Variants in RAB11FIP3 observed in about 807,000 individuals in gnomAD.
RAB11FIP3 encodes the protein rab11 family-interacting protein 3.
Under a neutral mutation model 77.8 loss-of-function variants are expected in RAB11FIP3, and 17 were observed. The observed-to-expected ratio is 0.22, with a 90% confidence interval of 0.15 to 0.33. RAB11FIP3 has a LOEUF of 0.33. Among genes scored for constraint, RAB11FIP3 ranks in the 10% least tolerant of loss-of-function variants. The pLI, the probability that RAB11FIP3 is intolerant of heterozygous loss-of-function variation, is 1.00. For synonymous variants in RAB11FIP3, 437 were observed against 448.2 expected (o/e 0.98, Z 0.31); for missense variants, 1,005 against 1,011.2 (o/e 0.99, Z 0.08).
At chr16:452,294 C>G (rs1294679248) in intron 1 of RAB11FIP3, 1 of 151,930 alleles carries the variant, frequency 6.6e-6, no homozygotes, top group Non-Finnish European at 1.5e-5. Flanking sequence ...AAGATCATGC[C>G]ACTGCACTCC....
chr16:454,448 T>C (rs2055462310), intron 1 of RAB11FIP3, among the ~76,000 whole-genome samples: 1 of 152,036 alleles, frequency 6.6e-6, no homozygotes, highest in Non-Finnish European at 1.5e-5. Context: ...TTGGTGACAC[T>C]CACCTCTAGT....
intron 1 of RAB11FIP3, among the ~76,000 whole-genome samples, chr16:454,343 T>C (rs975129809): frequency 1.3e-5 from 2 of 151,888 alleles, no homozygotes; most frequent in African/African-American, 4.8e-5. Flanking sequence ...ACTCTGGAGG[T>C]CAGTTGGAGG....
At chr16:482,420 T>C in intron 3 of RAB11FIP3, 105 bp from the exon 4 acceptor site, 1 of 1,055,446 alleles carries the variant, frequency 9.5e-7, no homozygotes, top group Non-Finnish European at 1.5e-6. Context: ...GTCAGACCCC[T>C]CCCTCCACAC....
Position 443,852 on chromosome 16 carries a change from T to C in RAB11FIP3, c.714+17132T>C, listed in dbSNP as rs75649274. Among the ~76,000 whole-genome samples the C allele has an allele frequency of 4.1e-4, 62 of 152,270 alleles. 1 individual carries two copies. In the East Asian group the frequency reaches 7.3e-3, roughly 18 times the overall value. On this transcript the variant is annotated intron_variant, in intron 1 of 13. Transcript: ENST00000262305. ...GTGCTGGGATTACAGGCATGAGCCA[T>C]CGCGCCCGGCCTGGATATGTAGGGT...
intron 5 of RAB11FIP3, among the ~76,000 whole-genome samples, chr16:491,831 G>A (rs2030222856): frequency 6.6e-6 from 1 of 152,104 alleles, no homozygotes; most frequent in African/African-American, 2.4e-5. Context: ...TTGCGGTGAA[G>A]CCCCTGGGTG....
chr16:442,514 G>A (rs143558892), intron 1 of RAB11FIP3, among the ~76,000 whole-genome samples: 3 of 152,144 alleles, frequency 2.0e-5, no homozygotes, highest in Non-Finnish European at 2.9e-5. Context: ...TCTTCCTCCC[G>A]CTCAGCCGGG....
intron 1 of RAB11FIP3, among the ~76,000 whole-genome samples, chr16:433,942 C>G (rs1352695142): frequency 6.6e-6 from 1 of 151,688 alleles, no homozygotes; most frequent in Non-Finnish European, 1.5e-5. Flanking sequence ...TAGATTGATT[C>G]CATATCTTTG....
intron 5 of RAB11FIP3, among the ~76,000 whole-genome samples, chr16:495,623 G>C (rs898235948): frequency 1.1e-4 from 16 of 152,276 alleles, no homozygotes; most frequent in Admixed American, 2.6e-4. Context: ...CTGATGACAC[G>C]CAGCATTGTG....
intron 1 of RAB11FIP3, among the ~76,000 whole-genome samples, chr16:459,124 CTTT>C (rs577962652): frequency 3.7e-5 from 5 of 135,548 alleles, no homozygotes; most frequent in Admixed American, 7.5e-5. Flanking sequence ...AGTGTTCAAA[CTTT>C]TTTTTTTTTT....
chr16:489,098 T>C (rs1027327327), intron 5 of RAB11FIP3, 98 bp downstream of exon 5: 6 of 1,351,290 alleles, frequency 4.4e-6, no homozygotes, highest in Non-Finnish European at 5.9e-6. Flanking sequence ...TGAGAGAACT[T>C]GCTTTCCTTG....
At chr16:483,962 A>T (rs1264956985) in intron 4 of RAB11FIP3, among the ~76,000 whole-genome samples, 1 of 152,012 alleles carries the variant, frequency 6.6e-6, no homozygotes, top group Non-Finnish European at 1.5e-5. Flanking sequence ...TGTAGGGTTG[A>T]TGTCTTCTGT....
intron 1 of RAB11FIP3, among the ~76,000 whole-genome samples, chr16:446,721 A>C (rs2055322771): frequency 6.7e-6 from 1 of 150,208 alleles, no homozygotes; most frequent in South Asian, 2.1e-4. Flanking sequence ...TTTGAGACGC[A>C]CTCTCGCTCT....
chr16:492,418 G>GAGCCTTCCCGGGAGACCCGA (rs1174415506), intron 5 of RAB11FIP3, among the ~76,000 whole-genome samples: 2 of 141,872 alleles, frequency 1.4e-5, no homozygotes, highest in African/African-American at 5.3e-5. Flanking sequence ...AGGCCGCCCA[G>GAGCCTTCCCGGGAGACCCGA]GGCCCTCCCC....
In RAB11FIP3 at chr16:520,448, T is replaced by G. The variant is rs761276769; in HGVS notation, c.2017-11T>G. ...GGCCACAGCCCAGTAGTGATGTTGC[T>G]GTGCCTTCAGGACAACCGCAACCTG... is the stretch of plus-strand genomic sequence containing the variant. On this transcript the variant is annotated splice_polypyrimidine_tract_variant and intron_variant, in intron 12 of 13. Coordinates refer to ENST00000262305, the MANE Select transcript of RAB11FIP3 (RefSeq NM_014700.4). 1 of 1,613,090 alleles carries G rather than the reference T, an allele frequency of 6.2e-7. No individual in the cohort carries two copies. Among genetic ancestry groups the G allele is most frequent in the South Asian group, 1.1e-5 (1 of 91,068 alleles).
At chr16:467,750 G>GTT (rs2055732076) in intron 2 of RAB11FIP3, among the ~76,000 whole-genome samples, 2 of 63,986 alleles carry the variant, frequency 3.1e-5, no homozygotes, top group African/African-American at 1.2e-4. Flanking sequence ...AGGGGCCTCA[G>GTT]GGAGGAGGTG....
rs11863276 is a variant in RAB11FIP3 at position 520,454 on chromosome 16, T to C, written c.2017-5T>C. On this transcript the variant is annotated splice_region_variant and splice_polypyrimidine_tract_variant and intron_variant, in intron 12 of 13. Transcript: ENST00000262305. ...AGCCCAGTAGTGATGTTGCTGTGCC[T>C]TCAGGACAACCGCAACCTGAAGGAG... The C allele has an allele frequency of 0.59, 948,139 of 1,612,932 alleles. 290,292 individuals carry two copies. The highest frequency in any genetic ancestry group is 0.98 in the East Asian group (43,910 of 44,872).
At chr16:508,385 G>A (rs2031976300) in intron 8 of RAB11FIP3, among the ~76,000 whole-genome samples, 1 of 152,024 alleles carries the variant, frequency 6.6e-6, no homozygotes, top group African/African-American at 2.4e-5. Flanking sequence ...GTTTTGTTTT[G>A]TTTTTTGAGA....
Position 505,675 on chromosome 16 carries a change from C to T in RAB11FIP3, c.1499+48C>T. ...GGGCCTCTGCGTGGCGCCTCCTGTGCCCGCCTGTCAGCCCCCATTTACTTC... is the reference window on the plus strand; with the variant it reads ...GGGCCTCTGCGTGGCGCCTCCTGTGTCCGCCTGTCAGCCCCCATTTACTTC... On this transcript the variant is annotated intron_variant, in intron 8 of 13. Coordinates refer to ENST00000262305, the MANE Select transcript of RAB11FIP3 (RefSeq NM_014700.4). The surrounding 1 kb of genome is among the most constrained non-coding windows in gnomAD (Gnocchi z 4.0). 1.4e-6 allele frequency: 2 copies of T among 1,446,762 alleles called. No individual in the cohort carries two copies. The highest frequency in any genetic ancestry group is 2.0e-5 in the Admixed American group (1 of 49,290). 89.6% of individuals were successfully genotyped at this position (1,446,762 alleles called of 1,614,324 possible). A position where few individuals can be genotyped will look rare whatever the true frequency, so the allele number is the denominator to read the frequency against.
intron 4 of RAB11FIP3, among the ~76,000 whole-genome samples, chr16:487,113 G>A (rs941099469): frequency 1.3e-5 from 2 of 150,284 alleles, no homozygotes; most frequent in Non-Finnish European, 2.9e-5. Flanking sequence ...AGTGGCACAG[G>A]CCTCCTGGTT....
Sources: allele counts gnomAD v4.1 joint callset (sites outside exome capture counted in the v4.1 genomes callset), GRCh38; gene constraint gnomAD v4.1.1; non-coding constraint Gnocchi (gnomAD v3.1); transcripts MANE v1.5; gene names NCBI Gene and HGNC (gene_info 2026-07-23, HGNC 2026-07-21).